Variants in OTOF observed in about 807,000 individuals in gnomAD.
OTOF encodes the protein fer-1-like family member 2.
Under a neutral mutation model 236.8 loss-of-function variants are expected in OTOF, and 218 were observed. The observed-to-expected ratio is 0.92, with a 90% CI of 0.82 to 1.03. OTOF has a LOEUF of 1.03. OTOF is among the 50% of genes least tolerant of loss of function. The pLI is 0.00. For synonymous variants in OTOF, 1,041 were observed against 1,072.5 expected, an observed-to-expected ratio of 0.97 and a Z score of 0.57; for missense variants, 2,590 against 2,694.4, an observed-to-expected ratio of 0.96 and a Z score of 0.86.
chr2:26,548,362 A>C (rs1031507889), intron 1 of OTOF, among the ~76,000 whole-genome samples: 1 of 152,050 alleles, frequency 6.6e-6, no homozygotes, highest in African/African-American at 2.4e-5. Context: ...CATCCTTCTA[A>C]AGTGCACAGT....
intron 5 of OTOF, among the ~76,000 whole-genome samples, chr2:26,504,845 A>G (rs1666207853): frequency 6.6e-6 from 1 of 152,162 alleles, no homozygotes; most frequent in Non-Finnish European, 1.5e-5. Flanking sequence ...CCTCCTGGGT[A>G]TGGCCCCATC....
At chr2:26,482,646 C>CGTGTGTGTGAGTGGGAGCAT in intron 13 of OTOF, 54 bp from the exon 14 acceptor site, 1 of 1,490,642 alleles carries the variant, frequency 6.7e-7, no homozygotes, top group African/African-American at 1.4e-5. Context: ...TGAGTGGGTG[C>CGTGTGTGTGAGTGGGAGCAT]ATGTGTGTGT....
chr2:26,505,438 C>CACAG (rs1666225509), intron 5 of OTOF, among the ~76,000 whole-genome samples: 1 of 149,270 alleles, frequency 6.7e-6, no homozygotes, highest in African/African-American at 2.5e-5. Flanking sequence ...CACACACAGA[C>CACAG]ACACACACAC....
In OTOF at chr2:26,480,856, A is replaced by G. The variant is rs1357784081; in HGVS notation, c.1733T>C (p.Val578Ala). Residue 578 changes from valine to alanine, a missense_variant, in exon 15 of 47, where the codon GTA becomes GCA. By Grantham distance (64) the Val-to-Ala change is moderately conservative. This residue lies in a region of OTOF where 1,379 missense variants were observed against 1,341.6 expected (regional missense o/e 1.03). Coordinates refer to ENST00000272371, the MANE Select transcript of OTOF (RefSeq NM_194248.3). ...RLLLGLAVEI[V>A]DTSNPELTSS... Reference sequence around the variant, plus strand: ...GGTGAGCTCAGGGTTGGAGGTGTCTACGATCTCCACAGCCAGGCCCAGCAG... The same window carrying G: ...GGTGAGCTCAGGGTTGGAGGTGTCTGCGATCTCCACAGCCAGGCCCAGCAG... The G allele has an allele frequency of 1.9e-6, 3 of 1,612,642 alleles. No individual in the cohort carries two copies. Among genetic ancestry groups the G allele is most frequent in the Admixed American group, 1.7e-5 (1 of 59,990 alleles).
At chr2:26,528,905 C>A (rs1165824338) in intron 2 of OTOF, among the ~76,000 whole-genome samples, 1 of 152,214 alleles carries the variant, frequency 6.6e-6, no homozygotes, top group Non-Finnish European at 1.5e-5. Context: ...GCATGCAAAT[C>A]CCCAGTGGCA....
At position 26,477,848 on chromosome 2, in the gene OTOF, T is replaced by C. The variant is rs1665395589; in HGVS notation, c.2215-99A>G. On this transcript the variant is annotated intron_variant, in intron 18 of 46. Coordinates refer to ENST00000272371, the MANE Select transcript of OTOF (RefSeq NM_194248.3). This position sits in a 1 kb window ranked among gnomAD's most constrained non-coding sequence, Gnocchi z 4.7. The stretch of plus-strand genomic sequence containing the variant: ...TTGATCAGGGGAGTGAGGGACCTCA[T>C]GATCTGGGAGCTCTCGCTAGGGCCA... The C allele has an allele frequency of 3.2e-6, 5 of 1,565,632 alleles. No individual in the cohort carries two copies. Among genetic ancestry groups the C allele is most frequent in the East Asian group, 4.8e-5 (2 of 41,788 alleles).
At chr2:26,482,678 CGTGAGTGGGCACATGTGTGCATGT>C in intron 13 of OTOF, 86 bp from the exon 14 acceptor site, 1 of 1,098,654 alleles carries the variant, frequency 9.1e-7, no homozygotes. Context: ...CGCATGTGTG[CGTGAGTGGGCACATGTGTGCATGT>C]GTGAGTGGGT....
chr2:26,474,144 G>A (rs1422499896), intron 26 of OTOF, 34 bp from the exon 27 acceptor site: 3 of 1,612,188 alleles, frequency 1.9e-6, no homozygotes, highest in African/African-American at 2.7e-5. Flanking sequence ...ACACACTGGG[G>A]AGCCCAGGGA....
At position 26,480,799 on chromosome 2, in the gene OTOF, G is replaced by A. The variant is rs202182042; in HGVS notation, c.1790C>T (p.Thr597Met). Reference protein sequence around the residue: ...SSTEVQVEQATPISESCAGKM... With the variant: ...SSTEVQVEQAMPISESCAGKM... ...CTGGGGTCTCACCTCCGAGATGGGC[G>A]TGGCCTGCTCCACCTGCACCTCTGT... Residue 597 changes from threonine (T) to methionine (M), a missense_variant, in exon 15 of 47, where the codon ACG becomes ATG. Coordinates refer to ENST00000272371, the MANE Select transcript of OTOF (RefSeq NM_194248.3). 12 of 1,612,150 alleles carry A rather than the reference G, an allele frequency of 7.4e-6. No homozygotes were observed. In the African/African-American group the frequency reaches 1.1e-4, roughly 14 times the overall value.
intron 1 of OTOF, among the ~76,000 whole-genome samples, chr2:26,551,979 C>G (rs1667472276): frequency 6.6e-6 from 1 of 150,700 alleles, no homozygotes; most frequent in Non-Finnish European, 1.5e-5. Flanking sequence ...GCAAATGAAG[C>G]AAGATTGGCC....
chr2:26,484,317 C>T (rs965504879), intron 12 of OTOF, among the ~76,000 whole-genome samples, 157 bp downstream of exon 12: 25 of 152,352 alleles, frequency 1.6e-4, no homozygotes, highest in African/African-American at 5.5e-4. Flanking sequence ...CCCCCTGCCC[C>T]TGCCCTGCCT....
chr2:26,477,572 T>A lies in OTOF; in HGVS notation c.2316-66A>T, dbSNP rs889835438. 5 of 1,599,024 alleles carry A rather than the reference T, an allele frequency of 3.1e-6. No homozygotes were observed. The African/African-American group carries it at 6.7e-5, about 21-fold the overall frequency. ...CAGGGGCTCTGTAGATTCTTCCTCA[T>A]CTGCCCAGCCCTGGCAGGGTCCCCT... On this transcript the variant is annotated intron_variant, in intron 19 of 46. Transcript: ENST00000272371. The surrounding 1 kb of genome is among the most constrained non-coding windows in gnomAD (Gnocchi z 4.7).
At chr2:26,540,332 C>T (rs1667182255) in intron 1 of OTOF, among the ~76,000 whole-genome samples, 1 of 152,208 alleles carries the variant, frequency 6.6e-6, no homozygotes, top group South Asian at 2.1e-4. Flanking sequence ...TTTGGGTTGT[C>T]ACTGATGAAG....
intron 1 of OTOF, among the ~76,000 whole-genome samples, chr2:26,551,028 C>T (rs1009472829): frequency 5.9e-5 from 9 of 152,260 alleles, no homozygotes; most frequent in South Asian, 4.1e-4. Flanking sequence ...CTCGCTCTGT[C>T]GCCCAGGCTG....
At chr2:26,541,681 A>G (rs965372196) in intron 1 of OTOF, among the ~76,000 whole-genome samples, 5 of 152,204 alleles carry the variant, frequency 3.3e-5, no homozygotes, top group Non-Finnish European at 7.3e-5. Context: ...TTTCCACTTC[A>G]CATCTACTCC....
At chr2:26,552,413 C>T (rs746426663) in intron 1 of OTOF, among the ~76,000 whole-genome samples, 10 of 152,048 alleles carry the variant, frequency 6.6e-5, no homozygotes, top group Non-Finnish European at 1.3e-4. Flanking sequence ...GGAGTGGGTG[C>T]GAGAGATGTG....
At position 26,461,101 on chromosome 2, in the gene OTOF, G is replaced by T. The variant is rs1036736174; in HGVS notation, c.5534-71C>A. The T allele has an allele frequency of 1.7e-5, 19 of 1,126,926 alleles. No individual in the cohort carries two copies. In the Admixed American group the frequency reaches 2.7e-4, roughly 16 times the overall value. The allele number at this position is 1,126,926 out of a possible 1,614,324, so 69.8% of individuals were successfully genotyped here. A position where few individuals can be genotyped will look rare whatever the true frequency, so the allele number is the denominator to read the frequency against. On this transcript the variant is annotated intron_variant, in intron 43 of 46. Transcript: ENST00000272371. The surrounding 1 kb of genome is among the most constrained non-coding windows in gnomAD (Gnocchi z 6.2). ...GGGCGGGGTGGGGGTGGGGGTCTGG[G>T]CTCCTCGGCCCCTTGTTTGCTGAGT...
In OTOF at chr2:26,462,141, C is replaced by T. The variant is rs370539347; in HGVS notation, c.5233G>A (p.Val1745Ile). The change falls in exon 42 of 47, where the codon GTC becomes ATC. Residue 1745 changes from valine (V) to isoleucine (I), a missense_variant. Transcript: ENST00000272371. The surrounding 1 kb of genome is among the most constrained non-coding windows in gnomAD (Gnocchi z 4.7). ...RVIIWNTDEV[V>I]LEDDDFFTGE... is the part of the protein sequence containing the mutation. ...GTGAAGAAGTCGTCGTCCTCCAAGA[C>T]CACCTCATCTGTGTTCCAGATGATG... is the stretch of plus-strand genomic sequence containing the variant. 3 of 1,613,928 alleles carry T rather than the reference C, an allele frequency of 1.9e-6. No individual in the cohort carries two copies. The highest frequency in any genetic ancestry group is 2.5e-6 in the Non-Finnish European group (3 of 1,179,958).
intron 39 of OTOF, 45 bp downstream of exon 39, chr2:26,464,824 A>G (rs748808046): frequency 6.4e-7 from 1 of 1,564,118 alleles, no homozygotes; most frequent in South Asian, 1.2e-5. Flanking sequence ...GGCCTCTGAA[A>G]CCCCCTGGAG....
Sources: allele counts gnomAD v4.1 joint callset (sites outside exome capture counted in the v4.1 genomes callset), GRCh38; gene constraint gnomAD v4.1.1; regional missense constraint gnomAD v4.1.1; non-coding constraint Gnocchi (gnomAD v3.1); transcripts MANE v1.5; gene names NCBI Gene and HGNC (gene_info 2026-07-23, HGNC 2026-07-21).